DCC: variants seen among roughly 807,000 people sequenced by gnomAD.
DCC encodes netrin receptor DCC.
DCC carries 58 observed loss-of-function variants against 172.5 expected under a neutral mutation model. That is an observed-to-expected ratio of 0.34 (90% confidence interval 0.27 to 0.42). The LOEUF is 0.42. Ranked by LOEUF, DCC falls within the 10% of genes least tolerant of loss-of-function variation. DCC has a pLI of 1.00. For missense variants in DCC, 1,740 were observed against 1,791.0 expected, an observed-to-expected ratio of 0.97 and a Z score of 0.51; for synonymous variants, 709 against 644.5, an observed-to-expected ratio of 1.10 and a Z score of -1.52.
chr18:52,669,205 G>C (rs72929143), intron 1 of DCC, among the ~76,000 whole-genome samples: 18,097 of 152,176 alleles, frequency 0.12, 1,126 homozygotes, highest in Non-Finnish European at 0.14. Context: ...GATTAGATGA[G>C]CCAGTTTATC....
chr18:53,031,123 G>A (rs1156315053), intron 5 of DCC, among the ~76,000 whole-genome samples: 2 of 152,122 alleles, frequency 1.3e-5, no homozygotes, highest in African/African-American at 4.8e-5. Flanking sequence ...GCCAGGTTTT[G>A]TGGTGGGCAT....
intron 1 of DCC, among the ~76,000 whole-genome samples, chr18:52,718,992 CCTCTGAAAA>C (rs2036432535): frequency 6.6e-6 from 1 of 152,120 alleles, no homozygotes; most frequent in Non-Finnish European, 1.5e-5. Context: ...GTCCATTTTC[CCTCTGAAAA>C]CTCAGGGAAG....
chr18:53,366,955 C>T (rs2058012179), intron 15 of DCC, among the ~76,000 whole-genome samples: 1 of 152,158 alleles, frequency 6.6e-6, no homozygotes, highest in South Asian at 2.1e-4. Context: ...ATGACCAACA[C>T]TGGAATGCTC....
intron 7 of DCC, among the ~76,000 whole-genome samples, chr18:53,094,901 G>C (rs1027609357): frequency 3.9e-5 from 6 of 152,040 alleles, no homozygotes; most frequent in Non-Finnish European, 7.4e-5. Context: ...ATAAATAATA[G>C]AGGACAGAAA....
intron 26 of DCC, among the ~76,000 whole-genome samples, chr18:53,497,505 G>A (rs183593971): frequency 2.0e-5 from 3 of 152,304 alleles, no homozygotes; most frequent in Non-Finnish European, 2.9e-5. Flanking sequence ...GTGCCACAAA[G>A]ATGCCCAAAG....
intron 2 of DCC, among the ~76,000 whole-genome samples, chr18:52,770,034 G>C (rs999540839): frequency 2.6e-5 from 4 of 152,186 alleles, no homozygotes; most frequent in Admixed American, 6.5e-5. Context: ...ACACAGAGGA[G>C]AGTTGTCTTT....
intron 8 of DCC, among the ~76,000 whole-genome samples, chr18:53,170,731 A>T (rs1598871412): frequency 6.6e-6 from 1 of 152,182 alleles, no homozygotes; most frequent in South Asian, 2.1e-4. Context: ...AGACATTGTG[A>T]TACAAAATTT....
At chr18:53,356,255 A>G (rs2057876699) in intron 15 of DCC, among the ~76,000 whole-genome samples, 1 of 152,120 alleles carries the variant, frequency 6.6e-6, no homozygotes, top group Non-Finnish European at 1.5e-5. Context: ...TTGAATATAT[A>G]GAATACAGTC....
intron 1 of DCC, among the ~76,000 whole-genome samples, chr18:52,489,093 A>C (rs1227218976): frequency 6.6e-6 from 1 of 152,124 alleles, no homozygotes; most frequent in Non-Finnish European, 1.5e-5. Context: ...CTCAAACATT[A>C]ATGTGAGCAC....
At chr18:53,002,452 C>T (rs1033743003) in intron 5 of DCC, among the ~76,000 whole-genome samples, 6 of 152,118 alleles carry the variant, frequency 3.9e-5, no homozygotes, top group Non-Finnish European at 7.4e-5. Context: ...TAAGGTGACA[C>T]TGCTGCACCA....
intron 1 of DCC, among the ~76,000 whole-genome samples, chr18:52,583,491 A>C (rs997574907): frequency 1.3e-5 from 2 of 152,226 alleles, no homozygotes; most frequent in Non-Finnish European, 2.9e-5. Flanking sequence ...ATTTAGAAGA[A>C]TATATCTCTT....
rs566435602 is a variant in DCC at position 52,726,188 on chromosome 18, A to C, written c.92-25866A>C. ...TAGTGACATTGTTTCTGTTTTGTAG[A>C]AAAGAAGTATACGTGGCTTGCTAAT... is the stretch of plus-strand genomic sequence containing the variant. On this transcript the variant is annotated intron_variant, in intron 1 of 28. Transcript: ENST00000442544. 1.1e-4 allele frequency among the ~76,000 whole-genome samples: 17 copies of C among 152,316 alleles called. No individual in the cohort carries two copies. The South Asian group carries it at 1.5e-3, about 13-fold the overall frequency.
At chr18:52,840,242 AT>A (rs1207046918) in intron 2 of DCC, among the ~76,000 whole-genome samples, 2 of 152,128 alleles carry the variant, frequency 1.3e-5, no homozygotes, top group African/African-American at 4.8e-5. Context: ...ATCCTATATG[AT>A]TTTGAGTTCT....
intron 2 of DCC, among the ~76,000 whole-genome samples, chr18:52,757,601 G>A (rs1010891679): frequency 6.6e-6 from 1 of 151,936 alleles, no homozygotes; most frequent in African/African-American, 2.4e-5. Context: ...TCTGGGGATG[G>A]CGTGGGACAG....
At chr18:52,733,729 C>T (rs1422302244) in intron 1 of DCC, among the ~76,000 whole-genome samples, 1 of 152,118 alleles carries the variant, frequency 6.6e-6, no homozygotes, top group Non-Finnish European at 1.5e-5. Flanking sequence ...CTCCTAGCCT[C>T]AAGCAGTCCT....
At chr18:53,037,622 T>C (rs186898683) in intron 5 of DCC, among the ~76,000 whole-genome samples, 6 of 152,048 alleles carry the variant, frequency 3.9e-5, no homozygotes, top group Non-Finnish European at 8.8e-5. Flanking sequence ...GAATATACCA[T>C]ACTGATATAG....
chr18:52,969,615 C>CTCTCTCTT (rs756530003), intron 5 of DCC, among the ~76,000 whole-genome samples: 2 of 137,472 alleles, frequency 1.5e-5, no homozygotes, highest in African/African-American at 2.6e-5. Flanking sequence ...CTCTCTCTCT[C>CTCTCTCTT]TCTCTCTTTC....
intron 12 of DCC, among the ~76,000 whole-genome samples, chr18:53,232,973 T>C (rs2056146201): frequency 6.6e-6 from 1 of 151,792 alleles, no homozygotes; most frequent in Non-Finnish European, 1.5e-5. Flanking sequence ...TCTTATTTTC[T>C]CACTCTCCTT....
intron 2 of DCC, among the ~76,000 whole-genome samples, chr18:52,768,667 C>A (rs1440920209): frequency 3.9e-5 from 6 of 152,070 alleles, no homozygotes; most frequent in Non-Finnish European, 8.8e-5. Context: ...AATCTTGCTT[C>A]TTTGTTTTTA....
Sources: allele counts gnomAD v4.1 joint callset (sites outside exome capture counted in the v4.1 genomes callset), GRCh38; gene constraint gnomAD v4.1.1; transcripts MANE v1.5; gene names NCBI Gene and HGNC (gene_info 2026-07-23, HGNC 2026-07-21).